Variants in TKT observed in about 807,000 individuals in gnomAD.
The protein encoded by TKT is transketolase.
TKT carries 47 observed loss-of-function variants against 63.9 expected under a neutral mutation model. The ratio of observed to expected loss-of-function variants is 0.74; its 90% CI spans 0.58 to 0.94. The LOEUF (loss-of-function observed/expected upper bound fraction) is 0.94. Ranked by LOEUF, TKT falls within the 40% of genes least tolerant of loss-of-function variation. The probability of loss-of-function intolerance (pLI) is 0.00; values close to 1 mark genes in which losing one functional copy is unlikely to be tolerated. For synonymous variants in TKT, 338 were observed against 334.1 expected, an observed-to-expected ratio of 1.01 and a Z score of -0.13; for missense variants, 721 against 846.2, an observed-to-expected ratio of 0.85 and a Z score of 1.84.
intron 5 of TKT, chr3:53,234,084 G>C (rs568417540): frequency 1.3e-5 from 2 of 152,496 alleles, no homozygotes; most frequent in Non-Finnish European, 2.9e-5. Flanking sequence ...TGAGTCCCCA[G>C]ATAGATGTGG....
intron 12 of TKT, chr3:53,227,818 G>A (rs1447612817): frequency 1.8e-5 from 8 of 446,728 alleles, no homozygotes; most frequent in Admixed American, 3.9e-5. Context: ...GGGGGGTCTC[G>A]ACTTTAGAGT....
At chr3:53,231,013 C>T (rs782431831) in intron 7 of TKT, among the ~76,000 whole-genome samples, 19 of 152,218 alleles carry the variant, frequency 1.2e-4, no homozygotes, top group Admixed American at 5.2e-4. Flanking sequence ...CTCTGCCTAG[C>T]CTTTCCCAGG....
In TKT at chr3:53,255,118, C is replaced by T. The variant is rs571316655; in HGVS notation, c.107+718G>A. The stretch of plus-strand genomic sequence containing the variant: ...TCACAATGGATCCCAGGGTTCTGCA[C>T]CCACGTGCCACCGCCCTCCTCCCCT... On this transcript the variant is annotated intron_variant, in intron 1 of 13. Coordinates refer to ENST00000462138, the MANE Select transcript of TKT (RefSeq NM_001064.4). Among the ~76,000 whole-genome samples the T allele has an allele frequency of 3.3e-5, 5 of 152,350 alleles. No homozygotes were observed. In the South Asian group the frequency reaches 1.0e-3, roughly 32 times the overall value.
intron 1 of TKT, among the ~76,000 whole-genome samples, chr3:53,250,912 G>T (rs564591681): frequency 2.8e-4 from 43 of 152,256 alleles, no homozygotes; most frequent in South Asian, 1.0e-3. Flanking sequence ...CTCCCAAGTA[G>T]CTGGGACTAC....
At position 53,228,089 on chromosome 3, in the gene TKT, C is replaced by A. The variant is rs762983878; in HGVS notation, c.1540G>T (p.Glu514Ter). The stretch of plus-strand genomic sequence containing the variant: ...AGCAGTTCGGCAGCGGCCAAGGCCT[C>A]GTGCAGGGTCACCCCAGCCCCGATA... ...TVIGAGVTLH[E>*]ALAAAELLKK... Residue 514 changes from glutamate to a stop codon, truncating the protein, a stop_gained, in exon 12 of 14, where the codon GAG (glutamate) becomes TAG (stop). Transcript: ENST00000462138. LOFTEE classifies it high-confidence loss of function. 3.1e-6 allele frequency: 5 copies of A among 1,613,418 alleles called. No homozygotes were observed. The highest frequency in any genetic ancestry group is 1.1e-5 in the South Asian group (1 of 91,044).
In TKT at chr3:53,228,152, G is replaced by A. The variant is rs879988795; in HGVS notation, c.1480-3C>T. On this transcript the variant is annotated splice_region_variant and splice_polypyrimidine_tract_variant and intron_variant, in intron 11 of 13. Coordinates refer to ENST00000462138, the MANE Select transcript of TKT (RefSeq NM_001064.4). ...TCATCCTTGCTCTTCAGGACCACCT[G>A]GGGGTGACACAGAGGGTGAGTAAGG... The A allele has an allele frequency of 2.5e-6, 4 of 1,614,002 alleles. No individual in the cohort carries two copies. Among genetic ancestry groups the A allele is most frequent in the Middle Eastern group, 1.7e-4 (1 of 6,042 alleles).
chr3:53,234,619 G>A (rs1704925390), intron 5 of TKT: 1 of 166,788 alleles, frequency 6.0e-6, no homozygotes, highest in Admixed American at 6.4e-5. Context: ...ACCAAACTGA[G>A]GTTCAAACCT....
At chr3:53,249,412 T>A (rs1705655210) in intron 1 of TKT, among the ~76,000 whole-genome samples, 1 of 151,970 alleles carries the variant, frequency 6.6e-6, no homozygotes, top group African/African-American at 2.4e-5. Flanking sequence ...TGAAACCCCA[T>A]CCCTACTGAA....
Position 53,231,568 on chromosome 3 carries a change from G to A in TKT, c.749-18C>T, listed in dbSNP as rs1462360224. 1 of 1,607,498 alleles carries A rather than the reference G, an allele frequency of 6.2e-7. No homozygotes were observed. Among genetic ancestry groups the A allele is most frequent in the Admixed American group, 1.7e-5 (1 of 59,420 alleles). Reference sequence around the variant, plus strand: ...TTCTACCCCTGCAGACCCAACACGGGAGGACAGAGGAATGGGTAAGACAGA... The same window carrying A: ...TTCTACCCCTGCAGACCCAACACGGAAGGACAGAGGAATGGGTAAGACAGA... On this transcript the variant is annotated intron_variant, in intron 6 of 13. Coordinates refer to ENST00000462138, the MANE Select transcript of TKT (RefSeq NM_001064.4).
At position 53,240,271 on chromosome 3, in the gene TKT, G is replaced by A. The variant is rs1705214392; in HGVS notation, c.417C>T (p.Gly139=). 1.2e-6 allele frequency: 2 copies of A among 1,613,090 alleles called. No homozygotes were observed. Among genetic ancestry groups the A allele is most frequent in the East Asian group, 4.5e-5 (2 of 44,850 alleles). The part of the protein sequence containing the change: ...LGAACGMAYT[G]KYFDKASYRV... ...GTTACCTGGCCTTGTCGAAGTATTT[G>A]CCGGTGTAGGCCATCCCACAAGCGG... The change falls in exon 4 of 14, where the codon GGC becomes GGT. Residue 139 remains glycine, a synonymous_variant. Coordinates refer to ENST00000462138, the MANE Select transcript of TKT (RefSeq NM_001064.4).
At chr3:53,255,489 T>C (rs1395152225) in intron 1 of TKT, among the ~76,000 whole-genome samples, 5 of 152,144 alleles carry the variant, frequency 3.3e-5, no homozygotes, top group Non-Finnish European at 7.4e-5. Flanking sequence ...AATGGTGGCC[T>C]TCCCGGCATC....
At chr3:53,239,714 C>T (rs1448842481) in intron 4 of TKT, among the ~76,000 whole-genome samples, 2 of 152,176 alleles carry the variant, frequency 1.3e-5, no homozygotes, top group Non-Finnish European at 2.9e-5. Flanking sequence ...GCTCATCACC[C>T]ACCCTCTGAA....
intron 2 of TKT, among the ~76,000 whole-genome samples, chr3:53,241,670 G>T (rs1025130349): frequency 1.7e-4 from 26 of 152,302 alleles, no homozygotes; most frequent in Admixed American, 5.9e-4. Flanking sequence ...CACCCAGAAG[G>T]GGGGGGTCAG....
At chr3:53,250,448 T>G (rs782674571) in intron 1 of TKT, among the ~76,000 whole-genome samples, 3 of 152,176 alleles carry the variant, frequency 2.0e-5, no homozygotes, top group Admixed American at 2.0e-4. Flanking sequence ...GCCCTACTCC[T>G]GAGGCACCCA....
chr3:53,229,514 G>A, intron 8 of TKT, 78 bp from the exon 9 acceptor site: 1 of 1,454,676 alleles, frequency 6.9e-7, no homozygotes, highest in Non-Finnish European at 9.3e-7. Context: ...CTTTTGTGGA[G>A]AAAGCCACAA....
At chr3:53,247,357 C>CAAA (rs71087068) in intron 1 of TKT, among the ~76,000 whole-genome samples, 1,089 of 67,990 alleles carry the variant, frequency 0.016, 24 homozygotes, top group African/African-American at 0.053. Flanking sequence ...AACTCAGCCT[C>CAAA]AAAAAAAAAA....
chr3:53,231,121 TAGCTTGCTA>T (rs1215945088), intron 7 of TKT, among the ~76,000 whole-genome samples: 27 of 152,350 alleles, frequency 1.8e-4, no homozygotes, highest in Admixed American at 5.9e-4. Context: ...GTTCTGTCAG[TAGCTTGCTA>T]AGCTTGCTAA....
At position 53,225,831 on chromosome 3, in the gene TKT, A is replaced by G. The variant is rs782157639; in HGVS notation, c.1797T>C (p.Ala599=). ...VNRVPRSGKP[A]ELLKMFGIDR... ...CGATACCAAACATCTTCAGCAGCTC[A>G]GCCGGCTTCCCACTTCTTGGTACCC... is the stretch of plus-strand genomic sequence containing the variant. Residue 599 remains alanine (A), a synonymous_variant, in exon 14 of 14, where the codon GCT becomes GCC. Transcript: ENST00000462138. 3.1e-6 allele frequency: 5 copies of G among 1,613,946 alleles called. No individual in the cohort carries two copies.
intron 1 of TKT, among the ~76,000 whole-genome samples, chr3:53,246,280 A>G (rs782397789): frequency 2.0e-5 from 3 of 152,142 alleles, no homozygotes; most frequent in African/African-American, 4.8e-5. Context: ...GAAAAAAACA[A>G]CAACAACAAC....
Sources: allele counts gnomAD v4.1 joint callset (sites outside exome capture counted in the v4.1 genomes callset), GRCh38; gene constraint gnomAD v4.1.1; transcripts MANE v1.5; gene names NCBI Gene and HGNC (gene_info 2026-07-23, HGNC 2026-07-21).